ANKIB1: variants seen among roughly 807,000 people sequenced by gnomAD.
ANKIB1 encodes ankyrin repeat and IBR domain-containing protein 1.
A neutral mutation model predicts 122.1 loss-of-function variants in ANKIB1; 43 were observed. The observed-to-expected ratio is 0.35, with a 90% confidence interval of 0.28 to 0.45. The LOEUF (loss-of-function observed/expected upper bound fraction) is 0.45, where lower values mean the gene tolerates loss of function less well. ANKIB1 is among the 20% of genes least tolerant of loss of function. The probability of loss-of-function intolerance (pLI) is 1.00; values close to 1 mark genes in which losing one functional copy is unlikely to be tolerated. For missense variants in ANKIB1, 992 were observed against 1,329.5 expected, an observed-to-expected ratio of 0.75 and a Z score of 3.95; for synonymous variants, 390 against 442.0, an observed-to-expected ratio of 0.88 and a Z score of 1.48.
intron 9 of ANKIB1, among the ~76,000 whole-genome samples, chr7:92,355,361 G>A (rs1803777467): frequency 6.6e-6 from 1 of 151,888 alleles, no homozygotes; most frequent in African/African-American, 2.4e-5. Flanking sequence ...TCACAGATTT[G>A]TTGTCAGAAA....
chr7:92,371,515 T>C lies in ANKIB1; in HGVS notation c.1525T>C (p.Cys509Arg). The C allele has an allele frequency of 6.2e-7, 1 of 1,607,250 alleles. No individual in the cohort carries two copies. ...TGAAGCCTACGAGGATGCCGCCAAT[T>C]GTCTCTGGTTATTAACTAACTCCAA... ...VSEAYEDAAN[C>R]LWLLTNSKPC... The change falls in exon 11 of 20, where the codon TGT becomes CGT. Residue 509 changes from cysteine (C) to arginine (R), a missense_variant. By Grantham distance (180) the Cys-to-Arg change is radical (BLOSUM62 -3). Coordinates refer to ENST00000265742, the MANE Select transcript of ANKIB1 (RefSeq NM_019004.2).
intron 2 of ANKIB1, among the ~76,000 whole-genome samples, chr7:92,301,425 T>G (rs181204244): frequency 7.9e-5 from 12 of 152,302 alleles, no homozygotes; most frequent in Admixed American, 7.2e-4. Context: ...TTGATTTGCA[T>G]TTCTGTGATT....
At chr7:92,319,162 AGCCACT>A in intron 3 of ANKIB1, among the ~76,000 whole-genome samples, 162 bp from the exon 4 acceptor site, 1 of 152,080 alleles carries the variant, frequency 6.6e-6, no homozygotes, top group African/African-American at 2.4e-5. Context: ...TAAAATCAGA[AGCCACT>A]GGTATCTAAA....
intron 11 of ANKIB1, among the ~76,000 whole-genome samples, chr7:92,383,306 A>C (rs899165242): frequency 1.3e-5 from 2 of 152,236 alleles, no homozygotes; most frequent in African/African-American, 4.8e-5. Flanking sequence ...AAATTGTACC[A>C]GAGCTGCCAA....
chr7:92,379,178 C>G lies in ANKIB1; in HGVS notation c.1618-7331C>G, dbSNP rs575385498. 1.2e-3 allele frequency among the ~76,000 whole-genome samples: 185 copies of G among 152,316 alleles called. 2 individuals carry two copies. Among genetic ancestry groups the G allele is most frequent in the African/African-American group, 4.1e-3 (172 of 41,580 alleles). ...GGCCGAGACAGGCAGATCACAAGGT[C>G]AGGAGATCGAGACCATCCTGGCTAA... On this transcript the variant is annotated intron_variant, in intron 11 of 19. Coordinates refer to ENST00000265742, the MANE Select transcript of ANKIB1 (RefSeq NM_019004.2).
intron 11 of ANKIB1, among the ~76,000 whole-genome samples, chr7:92,379,927 G>A (rs1022456840): frequency 9.2e-5 from 14 of 152,148 alleles, no homozygotes; most frequent in South Asian, 8.3e-4. Context: ...AGGGCAAGCC[G>A]AAGCAGGGCA....
intron 9 of ANKIB1, among the ~76,000 whole-genome samples, chr7:92,361,023 C>T (rs927456387): frequency 1.3e-4 from 20 of 152,288 alleles, no homozygotes; most frequent in Non-Finnish European, 2.4e-4. Flanking sequence ...AGCCACCACT[C>T]CCTGCCCAAG....
chr7:92,269,751 A>G (rs1433680511), intron 1 of ANKIB1, among the ~76,000 whole-genome samples: 1 of 151,790 alleles, frequency 6.6e-6, no homozygotes, highest in African/African-American at 2.4e-5. Context: ...GAAAGTGTTC[A>G]ACTATCTCTT....
At chr7:92,304,279 T>C (rs115340325) in intron 2 of ANKIB1, among the ~76,000 whole-genome samples, 5 of 152,332 alleles carry the variant, frequency 3.3e-5, no homozygotes, top group African/African-American at 1.2e-4. Context: ...GATATGCTAC[T>C]GTGTCTAATA....
chr7:92,358,575 G>C (rs1346389634), intron 9 of ANKIB1, among the ~76,000 whole-genome samples: 1 of 140,396 alleles, frequency 7.1e-6, no homozygotes, highest in Non-Finnish European at 1.5e-5. Flanking sequence ...AAAACACTGG[G>C]CTTTGTTCCC....
chr7:92,307,181 TAG>T (rs1160084726), intron 2 of ANKIB1, among the ~76,000 whole-genome samples, 176 bp from the exon 3 acceptor site: 12 of 152,204 alleles, frequency 7.9e-5, no homozygotes, highest in Non-Finnish European at 2.9e-5. Context: ...TATTCTAGAA[TAG>T]AGTTTTTTAA....
chr7:92,254,403 C>G (rs1801394687), intron 1 of ANKIB1, among the ~76,000 whole-genome samples: 1 of 152,074 alleles, frequency 6.6e-6, no homozygotes, highest in South Asian at 2.1e-4. Flanking sequence ...AATTTTAATA[C>G]TTAATGCTAA....
At chr7:92,295,862 A>T (rs551389024) in intron 2 of ANKIB1, among the ~76,000 whole-genome samples, 51 of 152,324 alleles carry the variant, frequency 3.3e-4, no homozygotes, top group South Asian at 2.3e-3. Flanking sequence ...TTACTAGCTT[A>T]TAAAATAAAG....
intron 1 of ANKIB1, among the ~76,000 whole-genome samples, chr7:92,286,416 TC>T (rs1802124397): frequency 6.6e-6 from 1 of 152,166 alleles, no homozygotes; most frequent in African/African-American, 2.4e-5. Flanking sequence ...GTGTGGCCTT[TC>T]TATTTATTTT....
intron 14 of ANKIB1, 77 bp from the exon 15 acceptor site, chr7:92,389,891 GAAA>G: frequency 7.0e-7 from 1 of 1,420,384 alleles, no homozygotes; most frequent in Non-Finnish European, 9.5e-7. Flanking sequence ...CCTTTTTTGA[GAAA>G]AAAAATCATT....
At chr7:92,372,563 T>C (rs1394105088) in intron 11 of ANKIB1, among the ~76,000 whole-genome samples, 1 of 152,122 alleles carries the variant, frequency 6.6e-6, no homozygotes, top group Non-Finnish European at 1.5e-5. Context: ...ATTAAATAAG[T>C]AACTGTTTAT....
At chr7:92,326,058 G>A in intron 4 of ANKIB1, 1 of 362,408 alleles carries the variant, frequency 2.8e-6, no homozygotes, top group Non-Finnish European at 5.4e-6. Flanking sequence ...GCCCACTTGG[G>A]ACTGAGCAAT....
At chr7:92,387,610 T>C (rs1804685969) in intron 12 of ANKIB1, among the ~76,000 whole-genome samples, 188 bp from the exon 13 acceptor site, 1 of 151,232 alleles carries the variant, frequency 6.6e-6, no homozygotes, top group South Asian at 2.1e-4. Context: ...CACTCCAGCC[T>C]GGGAGACACA....
At chr7:92,307,293 C>T (rs1585099087) in intron 2 of ANKIB1, 66 bp from the exon 3 acceptor site, 1 of 1,425,798 alleles carries the variant, frequency 7.0e-7, no homozygotes, top group East Asian at 2.5e-5. Context: ...GTGTTATCTT[C>T]AATGTATTTC....
Sources: allele counts gnomAD v4.1 joint callset (sites outside exome capture counted in the v4.1 genomes callset), GRCh38; gene constraint gnomAD v4.1.1; transcripts MANE v1.5; gene names NCBI Gene and HGNC (gene_info 2026-07-23, HGNC 2026-07-21).